Variants in FSIP1 observed in about 807,000 individuals in gnomAD.
FSIP1 encodes the protein fibrous sheath interacting protein 1, also known as fibrous sheath-interacting protein 1.
FSIP1 carries 65 observed loss-of-function variants against 60.9 expected under a neutral mutation model. The observed-to-expected ratio is 1.07, with a 90% CI of 0.87 to 1.31. The LOEUF (loss-of-function observed/expected upper bound fraction) is 1.31. Among genes scored for constraint, FSIP1 ranks in the 40% most tolerant of loss-of-function variants. The pLI, the probability that FSIP1 is intolerant of heterozygous loss-of-function variation, is 0.00. For synonymous variants in FSIP1, 209 were observed against 221.2 expected (o/e 0.94, Z 0.49); for missense variants, 675 against 665.5 (o/e 1.01, Z -0.16).
At chr15:39,780,332 G>C (rs951923896) in intron 1 of FSIP1, among the ~76,000 whole-genome samples, 1 of 152,112 alleles carries the variant, frequency 6.6e-6, no homozygotes, top group Non-Finnish European at 1.5e-5. Context: ...AGAACACCCT[G>C]GCTAACACGG....
chr15:39,688,858 G>T (rs545973314), intron 10 of FSIP1, among the ~76,000 whole-genome samples: 4 of 152,200 alleles, frequency 2.6e-5, no homozygotes, highest in African/African-American at 9.6e-5. Flanking sequence ...GCCCACCACT[G>T]GAAAAATTTT....
chr15:39,710,118 T>C (rs1895437042), intron 10 of FSIP1, among the ~76,000 whole-genome samples: 1 of 152,200 alleles, frequency 6.6e-6, no homozygotes, highest in African/African-American at 2.4e-5. Flanking sequence ...ACAGGTCACG[T>C]GGTACACAAC....
Position 39,732,720 on chromosome 15 carries a change from C to T in FSIP1, c.891+5371G>A, listed in dbSNP as rs112085742. On this transcript the variant is annotated intron_variant, in intron 8 of 11. Coordinates refer to ENST00000350221, the MANE Select transcript of FSIP1 (RefSeq NM_152597.5). The stretch of plus-strand genomic sequence containing the variant: ...AACATAATTATCATTTTAGTCATAT[C>T]ATTTAGTCTTCTTTAAGCTGTGCAT... 8.7e-3 allele frequency among the ~76,000 whole-genome samples: 1,318 copies of T among 151,654 alleles called. 19 individuals are homozygous for T. Among genetic ancestry groups the T allele is most frequent in the African/African-American group, 0.03 (1,239 of 41,312 alleles).
At chr15:39,681,880 G>GCA (rs768509789) in intron 10 of FSIP1, among the ~76,000 whole-genome samples, 1 of 152,158 alleles carries the variant, frequency 6.6e-6, no homozygotes, top group Non-Finnish European at 1.5e-5. Context: ...TCAGAAGGAA[G>GCA]CACAACTGAT....
At chr15:39,611,128 A>C (rs1891013618) in intron 11 of FSIP1, among the ~76,000 whole-genome samples, 1 of 152,226 alleles carries the variant, frequency 6.6e-6, no homozygotes, top group South Asian at 2.1e-4. Flanking sequence ...TGAGAGTTAA[A>C]AAACAAAACT....
intron 1 of FSIP1, among the ~76,000 whole-genome samples, chr15:39,780,598 G>A (rs999057139): frequency 6.6e-6 from 1 of 152,144 alleles, no homozygotes; most frequent in African/African-American, 2.4e-5. Context: ...TCAAACAACA[G>A]CATAATATCC....
downstream of FSIP1, chr15:39,598,218 G>A (rs929521211): frequency 6.6e-6 from 1 of 152,170 alleles, no homozygotes; most frequent in African/African-American, 2.4e-5. Flanking sequence ...TAGGTTAAAG[G>A]TCTGGCTTTG....
chr15:39,763,647 C>T (rs759997567), intron 5 of FSIP1, among the ~76,000 whole-genome samples, 174 bp downstream of exon 5: 9 of 152,184 alleles, frequency 5.9e-5, no homozygotes, highest in Non-Finnish European at 1.2e-4. Context: ...CCAAAACATA[C>T]CTAAGCTCGG....
At chr15:39,770,662 A>T in intron 2 of FSIP1, 52 bp from the exon 3 acceptor site, 2 of 1,164,740 alleles carry the variant, frequency 1.7e-6, no homozygotes, top group Non-Finnish European at 2.3e-6. Flanking sequence ...GTCTTTTTTT[A>T]AACTTTACAT....
At chr15:39,630,466 C>G (rs79348597) in intron 10 of FSIP1, among the ~76,000 whole-genome samples, 1 of 152,144 alleles carries the variant, frequency 6.6e-6, no homozygotes, top group Non-Finnish European at 1.5e-5. Flanking sequence ...TCCCTGTCAG[C>G]GGGTCCCTTA....
In FSIP1 at chr15:39,619,045, C is replaced by T. The variant is rs779448069; in HGVS notation, c.1189-800G>A. 7.9e-5 allele frequency among the ~76,000 whole-genome samples: 12 copies of T among 152,260 alleles called. No homozygotes were observed. The East Asian group carries it at 1.2e-3, about 15-fold the overall frequency. On this transcript the variant is annotated intron_variant, in intron 10 of 11. Coordinates refer to ENST00000350221, the MANE Select transcript of FSIP1 (RefSeq NM_152597.5). ...CCTCCTTTACAGGGGGATGAATTAT[C>T]TGAGAACAAGAAGTCCCCATAAGAA... is the stretch of plus-strand genomic sequence containing the variant.
chr15:39,680,117 A>G (rs16969558), intron 10 of FSIP1, among the ~76,000 whole-genome samples: 4,916 of 152,278 alleles, frequency 0.032, 259 homozygotes, highest in African/African-American at 0.11. Context: ...ATTCTAGACC[A>G]TGGGGAGATC....
At chr15:39,653,915 TTTTTA>T (rs1195385953) in intron 10 of FSIP1, among the ~76,000 whole-genome samples, 1 of 152,354 alleles carries the variant, frequency 6.6e-6, no homozygotes, top group African/African-American at 2.4e-5. Flanking sequence ...TAATACACTA[TTTTTA>T]TTTTATTTTT....
intron 10 of FSIP1, among the ~76,000 whole-genome samples, chr15:39,658,523 T>A (rs140795684): frequency 0.02 from 3,010 of 152,308 alleles, 40 homozygotes; most frequent in Non-Finnish European, 0.031. Context: ...GTGCTGGGAT[T>A]ACAGGCGTGA....
At chr15:39,773,056 A>G (rs1897942069) in intron 2 of FSIP1, among the ~76,000 whole-genome samples, 1 of 152,198 alleles carries the variant, frequency 6.6e-6, no homozygotes, top group Non-Finnish European at 1.5e-5. Flanking sequence ...AAAAAAATTA[A>G]TAAGCAACAA....
At chr15:39,683,079 T>G (rs1894228846) in intron 10 of FSIP1, among the ~76,000 whole-genome samples, 2 of 152,106 alleles carry the variant, frequency 1.3e-5, no homozygotes, top group African/African-American at 2.4e-5. Flanking sequence ...ACCAGGTGGG[T>G]TCTTGGAAAA....
intron 5 of FSIP1, among the ~76,000 whole-genome samples, chr15:39,742,683 C>G (rs1213611984): frequency 6.6e-6 from 1 of 152,106 alleles, no homozygotes; most frequent in East Asian, 1.9e-4. Flanking sequence ...TTCAGACACC[C>G]TCTATGAGCT....
rs751378418 is a variant in FSIP1, at chr15:39,617,771, G to A, written c.1663C>T (p.His555Tyr). The A allele has an allele frequency of 2.5e-6, 4 of 1,613,722 alleles. No individual in the cohort carries two copies. The highest frequency in any genetic ancestry group is 1.3e-5 in the African/African-American group (1 of 74,894). ...ISVSLSSEDQ[H>Y]LKLSSPENTI... ...TTCTCTGGAGAACTGAGTTTCAGAT[G>A]TTGGTCTTCTGATGAAAGGCTCACA... Residue 555 changes from histidine to tyrosine, a missense_variant, in exon 11 of 12, where the codon CAT becomes TAT. By Grantham distance (83) the His-to-Tyr change is moderately conservative. Transcript: ENST00000350221.
chr15:39,715,689 G>A (rs1895711773), intron 9 of FSIP1, among the ~76,000 whole-genome samples: 1 of 152,158 alleles, frequency 6.6e-6, no homozygotes, highest in South Asian at 2.1e-4. Context: ...CAAATCTCAT[G>A]TCGAATTGTA....
Sources: allele counts gnomAD v4.1 joint callset (sites outside exome capture counted in the v4.1 genomes callset), GRCh38; gene constraint gnomAD v4.1.1; transcripts MANE v1.5; gene names NCBI Gene and HGNC (gene_info 2026-07-23, HGNC 2026-07-21).